MICAL2: variants seen among roughly 807,000 people sequenced by gnomAD.
MICAL2 encodes microtubule associated monooxygenase, calponin and LIM domain containing 2.
MICAL2 carries 77 observed loss-of-function variants against 127.3 expected under a neutral mutation model. That is an observed-to-expected ratio of 0.60 (90% CI 0.50 to 0.73). MICAL2 has a LOEUF of 0.73. Among genes scored for constraint, MICAL2 ranks in the 30% least tolerant of loss-of-function variants. MICAL2 has a pLI of 0.00. For synonymous variants in MICAL2, 570 were observed against 551.1 expected, an observed-to-expected ratio of 1.03 and a Z score of -0.48; for missense variants, 1,351 against 1,434.4, an observed-to-expected ratio of 0.94 and a Z score of 0.94.
In MICAL2 at chr11:12,209,436, G is replaced by A. The variant is rs980775924; in HGVS notation, c.590-61G>A. On this transcript the variant is annotated intron_variant, in intron 5 of 27. Coordinates refer to ENST00000683283, the MANE Select transcript of MICAL2 (RefSeq NM_001282663.2). ...CATTTCTCATAGCCACCACACGGGG[G>A]GTATAATCATTCTCTTCCCACCTCT... The A allele has an allele frequency of 6.3e-5, 82 of 1,297,614 alleles. 1 individual carries two copies. The South Asian group carries it at 7.9e-4, about 13-fold the overall frequency. The allele number at this position is 1,297,614 out of a possible 1,614,324, so 80.4% of individuals were successfully genotyped here. A position where few individuals can be genotyped will look rare whatever the true frequency, so the allele number is the denominator to read the frequency against.
intron 32 of MICAL2, among the ~76,000 whole-genome samples, chr11:12,341,153 A>G (rs4501962): frequency 0.66 from 99,572 of 151,944 alleles, 33,051 homozygotes; most frequent in Non-Finnish European, 0.71. Flanking sequence ...AGAACAAAAG[A>G]CAGGGACCGA....
intron 29 of MICAL2, among the ~76,000 whole-genome samples, chr11:12,316,499 C>T (rs909818728): frequency 1.3e-5 from 2 of 151,454 alleles, no homozygotes; most frequent in Admixed American, 1.3e-4. Flanking sequence ...CCTAATTTTC[C>T]TATGTTAATT....
chr11:12,292,225 T>C (rs553942054), downstream of MICAL2: 5 of 1,614,092 alleles, frequency 3.1e-6, no homozygotes, highest in South Asian at 5.5e-5. Flanking sequence ...CGTCTTCCCA[T>C]TCATCTTCCC....
chr11:12,219,412 AAGCTACTGGGGAGGCTG>A (rs1856552881), intron 8 of MICAL2, among the ~76,000 whole-genome samples: 1 of 151,608 alleles, frequency 6.6e-6, no homozygotes, highest in Non-Finnish European at 1.5e-5. Context: ...CACCAAAAGC[AAGCTACTGGGGAGGCTG>A]AGGCAGGAGA....
At chr11:12,260,456 G>A (rs772225725) in intron 26 of MICAL2, 5 of 1,157,824 alleles carry the variant, frequency 4.3e-6, no homozygotes, top group Non-Finnish European at 4.2e-6. Context: ...CCCAGAGAAA[G>A]CATTTTTTTC....
At chr11:12,172,896 G>A (rs1398907048) in intron 3 of MICAL2, among the ~76,000 whole-genome samples, 1 of 152,112 alleles carries the variant, frequency 6.6e-6, no homozygotes. Context: ...TGTCTCCTTA[G>A]GATGGTCAGC....
intron 29 of MICAL2, among the ~76,000 whole-genome samples, chr11:12,300,576 C>T (rs1948471): frequency 0.93 from 141,226 of 152,164 alleles, 65,586 homozygotes; most frequent in East Asian, 0.95. Flanking sequence ...TGGGAGGGCC[C>T]ATGAACAAGA....
At chr11:12,241,838 A>T (rs1860006440) in intron 18 of MICAL2, among the ~76,000 whole-genome samples, 1 of 152,188 alleles carries the variant, frequency 6.6e-6, no homozygotes, top group South Asian at 2.1e-4. Flanking sequence ...CACCTGGGGA[A>T]CTTTTAAAAA....
rs751485237 is a variant in MICAL2 at position 12,242,742 on chromosome 11, C to T, written c.2628C>T (p.Ala876=). The T allele has an allele frequency of 5.0e-6, 8 of 1,611,096 alleles. No individual in the cohort carries two copies. Among genetic ancestry groups the T allele is most frequent in the African/African-American group, 1.3e-5 (1 of 74,708 alleles). Residue 876 remains alanine (A), a synonymous_variant, in exon 20 of 28, where the codon GCC becomes GCT. Coordinates refer to ENST00000683283, the MANE Select transcript of MICAL2 (RefSeq NM_001282663.2). ...KNIKEKAAHL[A]SMFGHGDFPQ... is the part of the protein sequence containing the mutation. ...TTAAGGAGAAGGCGGCTCACCTTGCCTCCATGTTTGGACACGGGGATTTCC... is the reference window on the plus strand; with the variant it reads ...TTAAGGAGAAGGCGGCTCACCTTGCTTCCATGTTTGGACACGGGGATTTCC...
chr11:12,261,738 A>G lies in MICAL2; in HGVS notation c.3335-742A>G, dbSNP rs962085543. 4 of 985,288 alleles carry G rather than the reference A, an allele frequency of 4.1e-6. No individual in the cohort carries two copies. In the African/African-American group the frequency reaches 7.0e-5, roughly 17 times the overall value. The allele number at this position is 985,288 out of a possible 1,614,324, so 61.0% of individuals were successfully genotyped here. A position where few individuals can be genotyped will look rare whatever the true frequency, so the allele number is the denominator to read the frequency against. The stretch of plus-strand genomic sequence containing the variant: ...CACTTCCCTGAAATCCTTGGGAAAA[A>G]CAGAGGCATGGCCGTGGCCAACTCT... On this transcript the variant is annotated intron_variant, in intron 26 of 27. Coordinates refer to ENST00000683283, the MANE Select transcript of MICAL2 (RefSeq NM_001282663.2).
chr11:12,261,284 G>C, intron 26 of MICAL2: 4 of 985,550 alleles, frequency 4.1e-6, no homozygotes, highest in Non-Finnish European at 4.8e-6. Flanking sequence ...CCTGGGAAAG[G>C]AATGGGTCTG....
chr11:12,187,632 G>T (rs1050108400), intron 3 of MICAL2, among the ~76,000 whole-genome samples: 1 of 152,250 alleles, frequency 6.6e-6, no homozygotes, highest in South Asian at 2.1e-4. Context: ...TGTTGTAGCG[G>T]TTCCTTGGGC....
At chr11:12,168,798 T>C (rs902467893) in intron 3 of MICAL2, among the ~76,000 whole-genome samples, 1 of 151,786 alleles carries the variant, frequency 6.6e-6, no homozygotes, top group African/African-American at 2.4e-5. Flanking sequence ...TTTCACTAGC[T>C]GAGGGTGGTG....
chr11:12,237,161 A>T (rs1410179830), intron 16 of MICAL2, among the ~76,000 whole-genome samples: 1 of 152,232 alleles, frequency 6.6e-6, no homozygotes, highest in African/African-American at 2.4e-5. Flanking sequence ...GCAGCCAGCC[A>T]TTCAACCCAT....
chr11:12,208,173 C>A (rs1019768306), intron 5 of MICAL2, 34 bp downstream of exon 5: 2 of 1,492,022 alleles, frequency 1.3e-6, no homozygotes, highest in Non-Finnish European at 1.9e-6. Flanking sequence ...GCCTAGAAAG[C>A]AGATACTACA....
intron 3 of MICAL2, among the ~76,000 whole-genome samples, chr11:12,194,116 T>A (rs987945289): frequency 8.5e-5 from 13 of 152,230 alleles, no homozygotes; most frequent in African/African-American, 3.1e-4. Flanking sequence ...GAAATGTTTG[T>A]CATTGGGTAG....
intron 3 of MICAL2, among the ~76,000 whole-genome samples, chr11:12,185,246 T>C (rs958769216): frequency 2.0e-5 from 3 of 149,042 alleles, no homozygotes; most frequent in Non-Finnish European, 4.5e-5. Context: ...GGTAAGTAGA[T>C]GGGTGGATGA....
chr11:12,208,279 C>T, intron 5 of MICAL2, 140 bp downstream of exon 5: 1 of 600,958 alleles, frequency 1.7e-6, no homozygotes, highest in Non-Finnish European at 2.8e-6. Flanking sequence ...GGGTATTTTA[C>T]TGTTTTTTTT....
At position 12,241,005 on chromosome 11, in the gene MICAL2, T is replaced by C. The variant is rs369272735; in HGVS notation, c.2215-35T>C. 4 of 1,610,092 alleles carry C rather than the reference T, an allele frequency of 2.5e-6. No individual in the cohort carries two copies. In the African/African-American group the frequency reaches 4.0e-5, roughly 16 times the overall value. ...CTCACCTTTTCCTTCATGTCTCCTG[T>C]GGCTGCTTTTTTGGACTCGCCTTTC... On this transcript the variant is annotated intron_variant, in intron 17 of 27. Transcript: ENST00000683283.
Sources: gnomAD v4.1 joint callset for allele counts (sites outside exome capture counted in the v4.1 genomes callset) on GRCh38, gnomAD v4.1.1 for gene constraint, MANE v1.5 for transcripts, NCBI Gene and HGNC (gene_info 2026-07-23, HGNC 2026-07-21) for gene names.